The following FOXP1 variants were observed in gnomAD, a reference collection of about 807,000 sequenced individuals.
The protein encoded by FOXP1 is forkhead box P1.
In FOXP1, 15 loss-of-function variants were observed where a neutral mutation model predicts 98.2. The observed-to-expected ratio is 0.15, with a 90% CI of 0.10 to 0.24. The LOEUF (loss-of-function observed/expected upper bound fraction) is 0.24, where lower values mean the gene tolerates loss of function less well. Ranked by LOEUF, FOXP1 falls within the 10% of genes least tolerant of loss-of-function variation. The pLI is 1.00. For missense variants in FOXP1, 633 were observed against 848.5 expected (o/e 0.75, Z 3.15); for synonymous variants, 371 against 314.5 (o/e 1.18, Z -1.90).
At chr3:71,284,580 T>C (rs2071911984) in intron 5 of FOXP1, among the ~76,000 whole-genome samples, 1 of 152,006 alleles carries the variant, frequency 6.6e-6, no homozygotes, top group Non-Finnish European at 1.5e-5. Context: ...AAGACAAATA[T>C]TTGTGCACAA....
intron 4 of FOXP1, among the ~76,000 whole-genome samples, chr3:71,329,099 G>A (rs746130870): frequency 1.3e-5 from 2 of 151,744 alleles, no homozygotes; most frequent in South Asian, 4.2e-4. Flanking sequence ...CACGCCTGGT[G>A]CCCTTTGATC....
chr3:71,080,505 C>T (rs973236713), intron 7 of FOXP1, among the ~76,000 whole-genome samples: 3 of 152,242 alleles, frequency 2.0e-5, no homozygotes, highest in Non-Finnish European at 4.4e-5. Context: ...AGCGTGACCA[C>T]ATCAATAAAT....
chr3:71,406,855 G>A (rs1490703978), intron 3 of FOXP1, among the ~76,000 whole-genome samples: 1 of 152,024 alleles, frequency 6.6e-6, no homozygotes, highest in Non-Finnish European at 1.5e-5. Flanking sequence ...CAAGCCTCCT[G>A]CTTGCTTTAC....
chr3:71,214,882 G>T (rs17654359), intron 5 of FOXP1, among the ~76,000 whole-genome samples: 1 of 151,990 alleles, frequency 6.6e-6, no homozygotes, highest in Non-Finnish European at 1.5e-5. Context: ...CATGACAAGG[G>T]TTTCCAATAG....
intron 6 of FOXP1, chr3:71,130,445 AG>A: frequency 6.5e-7 from 1 of 1,545,376 alleles, no homozygotes; most frequent in Non-Finnish European, 8.8e-7. Flanking sequence ...ACGGATCCCT[AG>A]TTTAAAAGTT....
rs1372851248 is a variant in FOXP1, at chr3:71,193,387, A to G, written c.180+4815T>C. Among the ~76,000 whole-genome samples, 2 of 124,544 alleles carry G rather than the reference A, an allele frequency of 1.6e-5. 1 individual carries two copies. The highest frequency in any genetic ancestry group is 4.8e-4 in the East Asian group (2 of 4,160). 81.7% of individuals were successfully genotyped at this position (124,544 alleles called of 152,430 possible). A position where few individuals can be genotyped will look rare whatever the true frequency, so the allele number is the denominator to read the frequency against. On this transcript the variant is annotated intron_variant, in intron 6 of 20. Coordinates refer to ENST00000649528, the MANE Select transcript of FOXP1 (RefSeq NM_001349338.3). ...ATGGTCTCAATCTCCTGACCTCGTG[A>G]TCTGCCCTCCTCAGCCTCCCAAAGT...
At chr3:71,476,277 T>A (rs2089830481) in intron 3 of FOXP1, among the ~76,000 whole-genome samples, 1 of 152,224 alleles carries the variant, frequency 6.6e-6, no homozygotes. Context: ...ATTTTCTTTT[T>A]TAAATATAAA....
At chr3:71,221,619 G>A (rs1419102141) in intron 5 of FOXP1, among the ~76,000 whole-genome samples, 8 of 151,978 alleles carry the variant, frequency 5.3e-5, no homozygotes, top group Admixed American at 5.2e-4. Context: ...TCTCTCTACC[G>A]CATCTCTACC....
At chr3:71,356,316 C>T (rs2078157402) in intron 4 of FOXP1, among the ~76,000 whole-genome samples, 1 of 151,754 alleles carries the variant, frequency 6.6e-6, no homozygotes, top group Admixed American at 6.6e-5. Context: ...AACAGGGCTA[C>T]AGCAGCTGTA....
At chr3:71,036,263 G>A (rs942144437) in intron 11 of FOXP1, among the ~76,000 whole-genome samples, 2 of 152,210 alleles carry the variant, frequency 1.3e-5, no homozygotes, top group African/African-American at 4.8e-5. Context: ...AATAAATGAT[G>A]AGAACGAGGC....
At chr3:70,975,983 T>C (rs2037410393) in intron 17 of FOXP1, among the ~76,000 whole-genome samples, 1 of 152,042 alleles carries the variant, frequency 6.6e-6, no homozygotes, top group African/African-American at 2.4e-5. Flanking sequence ...CAAATAGTAT[T>C]ATAATGAATA....
At chr3:71,182,850 T>C (rs1343730071) in intron 6 of FOXP1, among the ~76,000 whole-genome samples, 3 of 152,064 alleles carry the variant, frequency 2.0e-5, no homozygotes, top group African/African-American at 4.8e-5. Context: ...TGGCTTAATG[T>C]ATATAAAATA....
chr3:71,352,384 G>T (rs1020105299), intron 4 of FOXP1, among the ~76,000 whole-genome samples: 1 of 138,824 alleles, frequency 7.2e-6, no homozygotes, highest in Non-Finnish European at 1.5e-5. Flanking sequence ...AGAATCGCTG[G>T]AACCAGGGAG....
chr3:71,419,522 C>A (rs961823519), intron 3 of FOXP1, among the ~76,000 whole-genome samples: 9 of 151,998 alleles, frequency 5.9e-5, no homozygotes, highest in African/African-American at 2.2e-4. Flanking sequence ...ATACCTAACA[C>A]CTGCTCTCAA....
At chr3:71,218,541 C>T (rs1461694180) in intron 5 of FOXP1, among the ~76,000 whole-genome samples, 1 of 152,100 alleles carries the variant, frequency 6.6e-6, no homozygotes, top group Admixed American at 6.5e-5. Flanking sequence ...AAGTTAAGGC[C>T]TCAGTGCTGC....
intron 4 of FOXP1, among the ~76,000 whole-genome samples, chr3:71,338,768 A>C (rs2076837686): frequency 6.6e-6 from 1 of 152,190 alleles, no homozygotes; most frequent in African/African-American, 2.4e-5. Context: ...AATGAGAAAA[A>C]AAATAGGACT....
chr3:71,099,890 G>A (rs2056808653), intron 7 of FOXP1, among the ~76,000 whole-genome samples: 1 of 152,182 alleles, frequency 6.6e-6, no homozygotes, highest in Middle Eastern at 3.2e-3. Flanking sequence ...TCACATTTCA[G>A]AGCTGATCAA....
At chr3:71,269,880 T>C (rs2070158756) in intron 5 of FOXP1, among the ~76,000 whole-genome samples, 1 of 152,174 alleles carries the variant, frequency 6.6e-6, no homozygotes, top group Admixed American at 6.5e-5. Context: ...ATAAATCATA[T>C]GCTAAGAGAT....
intron 3 of FOXP1, among the ~76,000 whole-genome samples, chr3:71,462,483 G>T (rs1406830921): frequency 6.6e-6 from 1 of 152,154 alleles, no homozygotes; most frequent in Non-Finnish European, 1.5e-5. Flanking sequence ...ACGTATCCAT[G>T]ATGGGCCAAC....
Sources: gnomAD v4.1 joint callset for allele counts (sites outside exome capture counted in the v4.1 genomes callset) on GRCh38, gnomAD v4.1.1 for gene constraint, MANE v1.5 for transcripts, NCBI Gene and HGNC (gene_info 2026-07-23, HGNC 2026-07-21) for gene names.